Variants in SYNE2 observed in about 807,000 individuals in gnomAD.
SYNE2 encodes spectrin repeat containing nuclear envelope protein 2, also known as nesprin-2.
SYNE2 carries 431 observed loss-of-function variants against 856.3 expected under a neutral mutation model. That is an observed-to-expected ratio of 0.50 (90% CI 0.47 to 0.55). SYNE2 has a LOEUF of 0.55. SYNE2 is among the 20% of genes least tolerant of loss of function. The pLI is 0.00. For missense variants in SYNE2, 8,129 were observed against 8,023.2 expected (o/e 1.01, Z -0.50); for synonymous variants, 2,923 against 2,872.3 (o/e 1.02, Z -0.56).
At chr14:64,101,784 TA>T (rs1262466454) in intron 63 of SYNE2, 147 bp from the exon 64 acceptor site, 8 of 661,756 alleles carry the variant, frequency 1.2e-5, no homozygotes, top group Non-Finnish European at 1.9e-5. Context: ...AAAATACAGA[TA>T]AAAAAATGGG....
At chr14:64,220,398 T>G in intron 110 of SYNE2, 39 bp from the exon 111 acceptor site, 2 of 1,612,276 alleles carry the variant, frequency 1.2e-6, no homozygotes, top group Non-Finnish European at 1.7e-6. Flanking sequence ...TCCTCCCTAC[T>G]TTCAGAGCTC....
intron 63 of SYNE2, 52 bp from the exon 64 acceptor site, chr14:64,101,880 A>C: frequency 7.2e-7 from 1 of 1,386,728 alleles, no homozygotes; most frequent in Non-Finnish European, 1.0e-6. Context: ...GGCACCGGTT[A>C]TGACAGTAAG....
At chr14:64,021,216 T>G in intron 35 of SYNE2, 99 bp from the exon 36 acceptor site, 1 of 914,572 alleles carries the variant, frequency 1.1e-6, no homozygotes, top group South Asian at 1.4e-5. Flanking sequence ...CATTTCACAT[T>G]GAAATGAAGT....
chr14:64,174,660 A>G (rs2098425650), intron 94 of SYNE2, among the ~76,000 whole-genome samples: 1 of 152,174 alleles, frequency 6.6e-6, no homozygotes, highest in African/African-American at 2.4e-5. Flanking sequence ...TCTATGATGT[A>G]TATTTTTTTA....
At chr14:64,106,318 G>A (rs1320604479) in intron 64 of SYNE2, among the ~76,000 whole-genome samples, 1 of 152,108 alleles carries the variant, frequency 6.6e-6, no homozygotes, top group Non-Finnish European at 1.5e-5. Flanking sequence ...CTATGTAGGG[G>A]TTGATGTTTT....
At chr14:64,215,161 C>T in intron 106 of SYNE2, 125 bp from the exon 107 acceptor site, 1 of 941,164 alleles carries the variant, frequency 1.1e-6, no homozygotes. Context: ...TTTCAAAATC[C>T]TTTTAATTAA....
chr14:64,175,549 A>T (rs1246684466), intron 95 of SYNE2, among the ~76,000 whole-genome samples: 2 of 152,186 alleles, frequency 1.3e-5, no homozygotes, highest in Non-Finnish European at 2.9e-5. Context: ...ATTTTGAGTC[A>T]CTGTTAGGAA....
intron 6 of SYNE2, among the ~76,000 whole-genome samples, chr14:63,944,156 A>ATAGTCTT (rs1459027836): frequency 1.3e-5 from 2 of 151,106 alleles, no homozygotes; most frequent in Non-Finnish European, 2.9e-5. Flanking sequence ...AATTTAGTGT[A>ATAGTCTT]TAGTCTTTAT....
intron 50 of SYNE2, 122 bp from the exon 51 acceptor site, chr14:64,065,305 AGAGGT>A: frequency 1.2e-6 from 1 of 808,458 alleles, no homozygotes; most frequent in Admixed American, 2.2e-5. Flanking sequence ...TAAAAGGATA[AGAGGT>A]GGATCATGCA....
chr14:63,814,590 AATATAGATCCTT>A (rs1888773317), intron 1 of SYNE2, among the ~76,000 whole-genome samples: 1 of 138,472 alleles, frequency 7.2e-6, no homozygotes, highest in Non-Finnish European at 1.5e-5. Flanking sequence ...CCATATATAT[AATATAGATCCTT>A]ATATAGATCC....
In SYNE2 at chr14:64,000,648, G is replaced by A; in HGVS notation, c.3567G>A (p.Lys1189=). The A allele has an allele frequency of 6.2e-7, 1 of 1,613,350 alleles. No individual in the cohort carries two copies. The highest frequency in any genetic ancestry group is 2.2e-5 in the East Asian group (1 of 44,784). Residue 1189 remains lysine (K), a synonymous_variant, in exon 28 of 116, where the codon AAG becomes AAA. Coordinates refer to ENST00000555002, the MANE Select transcript of SYNE2 (RefSeq NM_182914.3). ...AAAATCATGTGAATGACATAAAAAA[G>A]CCTTTTGTAATTAAGGAAAGAGACA... ...KLENHVNDIK[K]PFVIKERDTL... is the part of the protein sequence containing the mutation.
At chr14:64,006,174 T>A (rs2096794397) in intron 30 of SYNE2, among the ~76,000 whole-genome samples, 1 of 152,182 alleles carries the variant, frequency 6.6e-6, no homozygotes, top group Non-Finnish European at 1.5e-5. Flanking sequence ...TGTGAGCAGT[T>A]TAGCAATTTA....
At chr14:64,030,878 A>G in intron 44 of SYNE2, 138 bp from the exon 45 acceptor site, 1 of 697,226 alleles carries the variant, frequency 1.4e-6, no homozygotes, top group Non-Finnish European at 2.5e-6. Flanking sequence ...ATTTTGCCAA[A>G]GTTTCTTCTA....
At chr14:64,023,552 A>T (rs2096953829) in intron 38 of SYNE2, 1 of 152,700 alleles carries the variant, frequency 6.5e-6, no homozygotes, top group Non-Finnish European at 1.5e-5. Context: ...TTTTCCAGTT[A>T]TATTTCTTTT....
chr14:63,836,988 T>C (rs1465759260), intron 1 of SYNE2, among the ~76,000 whole-genome samples: 1 of 152,206 alleles, frequency 6.6e-6, no homozygotes, highest in African/African-American at 2.4e-5. Flanking sequence ...ATTTTATCAA[T>C]CCATTCTTTC....
intron 43 of SYNE2, 112 bp from the exon 44 acceptor site, chr14:64,029,783 C>T: frequency 7.9e-7 from 1 of 1,263,970 alleles, no homozygotes; most frequent in Non-Finnish European, 1.1e-6. Flanking sequence ...TAGCCGTATT[C>T]CTGTTTCAAG....
chr14:64,068,275 C>G (rs185412214), intron 51 of SYNE2, among the ~76,000 whole-genome samples: 1 of 152,188 alleles, frequency 6.6e-6, no homozygotes, highest in East Asian at 1.9e-4. Context: ...CCTCGTTCCT[C>G]TTTGTGGTCA....
chr14:64,016,576 T>C lies in SYNE2; in HGVS notation c.4832T>C (p.Phe1611Ser). 1 of 1,604,534 alleles carries C rather than the reference T, an allele frequency of 6.2e-7. No individual in the cohort carries two copies. The highest frequency in any genetic ancestry group is 1.1e-5 in the South Asian group (1 of 89,376). ...TTTTATCTAAATAAAATGAAAACTT[T>C]TGAAGAGCCCCCTTTTGAAAAAGAG... ...LQFYLNKMKT[F>S]EEPPFEKEAN... Residue 1611 changes from phenylalanine to serine, a missense_variant, in exon 33 of 116, where the codon TTT becomes TCT. Phe to Ser is a radical substitution (Grantham distance 155). This residue lies in a region of SYNE2 where 2,422 missense variants were observed against 2,357.4 expected (regional missense o/e 1.03). Transcript: ENST00000555002.
chr14:63,966,651 TG>T (rs2096397208), intron 10 of SYNE2, among the ~76,000 whole-genome samples: 1 of 149,204 alleles, frequency 6.7e-6, no homozygotes, highest in Middle Eastern at 3.3e-3. Flanking sequence ...CTCTGCCTCC[TG>T]GGCTCAAGCC....
Sources: gnomAD v4.1 joint callset for allele counts (sites outside exome capture counted in the v4.1 genomes callset) on GRCh38, gnomAD v4.1.1 for gene constraint, gnomAD v4.1.1 regional missense constraint, MANE v1.5 for transcripts, NCBI Gene and HGNC (gene_info 2026-07-23, HGNC 2026-07-21) for gene names.